COL27A1: variants seen among roughly 807,000 people sequenced by gnomAD.
The protein encoded by COL27A1 is collagen alpha-1(XXVII) chain.
COL27A1 carries 106 observed loss-of-function variants against 251.3 expected under a neutral mutation model. The observed-to-expected ratio is 0.42, with a 90% confidence interval of 0.36 to 0.50. COL27A1 has a LOEUF of 0.50. Ranked by LOEUF, COL27A1 falls within the 20% of genes least tolerant of loss-of-function variation. COL27A1 has a pLI of 0.00. For missense variants in COL27A1, 2,325 were observed against 2,522.8 expected (o/e 0.92, Z 1.68); for synonymous variants, 1,000 against 986.3 (o/e 1.01, Z -0.26).
chr9:114,183,788 G>A (rs556985604), intron 5 of COL27A1, among the ~76,000 whole-genome samples: 9 of 152,252 alleles, frequency 5.9e-5, no homozygotes, highest in Non-Finnish European at 1.5e-5. Context: ...GAGCCAGGGG[G>A]AGGCTGGCGC....
chr9:114,196,103 TCCCCAG>T, intron 7 of COL27A1, 91 bp downstream of exon 7: 1 of 1,125,700 alleles, frequency 8.9e-7, no homozygotes. Context: ...CACCTGCCTC[TCCCCAG>T]CCCCAGCCCA....
At chr9:114,245,151 T>TTG (rs201392086) in intron 23 of COL27A1, among the ~76,000 whole-genome samples, 809 of 32,846 alleles carry the variant, frequency 0.025, 42 homozygotes, top group African/African-American at 0.067. Flanking sequence ...CATTCTTGTT[T>TTG]TTTTTTTTTT....
chr9:114,243,820 C>T (rs1186049623), intron 23 of COL27A1, among the ~76,000 whole-genome samples: 1 of 151,484 alleles, frequency 6.6e-6, no homozygotes, highest in Non-Finnish European at 1.5e-5. Flanking sequence ...GGGAAGATGC[C>T]TGAATGTGGG....
chr9:114,160,288 G>A (rs1454763197), intron 1 of COL27A1, among the ~76,000 whole-genome samples: 3 of 151,882 alleles, frequency 2.0e-5, no homozygotes, highest in African/African-American at 7.3e-5. Flanking sequence ...CCAGGTAGCT[G>A]GGACTACAGG....
chr9:114,293,431 A>G (rs1828048585), intron 49 of COL27A1, among the ~76,000 whole-genome samples: 1 of 152,162 alleles, frequency 6.6e-6, no homozygotes, highest in Non-Finnish European at 1.5e-5. Context: ...AGAAAAGAAG[A>G]CAGGTCTCAA....
intron 27 of COL27A1, among the ~76,000 whole-genome samples, chr9:114,254,122 G>A (rs547970777): frequency 6.6e-6 from 1 of 152,066 alleles, no homozygotes; most frequent in Non-Finnish European, 1.5e-5. Context: ...GTCTGGTATG[G>A]GGGGGCAGGG....
chr9:114,211,610 T>C (rs548157336), intron 12 of COL27A1, among the ~76,000 whole-genome samples: 1 of 152,280 alleles, frequency 6.6e-6, no homozygotes, highest in East Asian at 1.9e-4. Context: ...GTGCAGAACA[T>C]GGAGAAAGAG....
intron 7 of COL27A1, among the ~76,000 whole-genome samples, chr9:114,200,333 G>A (rs1829477572): frequency 6.6e-6 from 1 of 152,156 alleles, no homozygotes; most frequent in African/African-American, 2.4e-5. Context: ...TCCTCTGGCT[G>A]GGTGCATCTA....
chr9:114,205,970 G>A (rs1029441095), intron 9 of COL27A1, among the ~76,000 whole-genome samples, 158 bp downstream of exon 9: 1 of 152,178 alleles, frequency 6.6e-6, no homozygotes, highest in Non-Finnish European at 1.5e-5. Context: ...GACCAAGGAA[G>A]CCTGTCTTTG....
chr9:114,156,041 C>G, intron 1 of COL27A1, 29 bp downstream of exon 1: 1 of 1,296,764 alleles, frequency 7.7e-7, no homozygotes, highest in African/African-American at 1.5e-5. Flanking sequence ...ACGCCCCCTC[C>G]CTAGCTTCCT....
At chr9:114,294,109 G>A (rs755619318) in intron 49 of COL27A1, among the ~76,000 whole-genome samples, 13 of 151,082 alleles carry the variant, frequency 8.6e-5, no homozygotes, top group South Asian at 4.2e-4. Context: ...TTAGCCAGGC[G>A]TGGTGGCGCA....
chr9:114,176,001 C>T (rs1047954072), intron 3 of COL27A1, among the ~76,000 whole-genome samples: 4 of 152,160 alleles, frequency 2.6e-5, no homozygotes, highest in African/African-American at 9.7e-5. Flanking sequence ...TTACTCAAGG[C>T]CATATACCTA....
intron 50 of COL27A1, 46 bp from the exon 51 acceptor site, chr9:114,300,579 C>A: frequency 6.7e-7 from 1 of 1,492,730 alleles, no homozygotes; most frequent in Non-Finnish European, 9.0e-7. Context: ...GGGCCCTTTA[C>A]CCAGTGGCTG....
In COL27A1 at chr9:114,290,723, C is replaced by A. The variant is rs1315615209; in HGVS notation, c.4369-87C>A. ...GTGTGACCCCTTCCTCCAGCTTCAC[C>A]CAGGGTTTGCCCAGGCGTTGAGCCA... On this transcript the variant is annotated intron_variant, in intron 47 of 60. Coordinates refer to ENST00000356083, the MANE Select transcript of COL27A1 (RefSeq NM_032888.4). The surrounding 1 kb of genome is among the most constrained non-coding windows in gnomAD (Gnocchi z 4.6). 1.0e-6 allele frequency: 1 copy of A among 1,004,066 alleles called. No individual in the cohort carries two copies. The highest frequency in any genetic ancestry group is 1.5e-6 in the Non-Finnish European group (1 of 683,646). 62.2% of individuals were successfully genotyped at this position (1,004,066 alleles called of 1,614,324 possible).
At chr9:114,219,087 C>A (rs555536648) in intron 12 of COL27A1, among the ~76,000 whole-genome samples, 1 of 152,104 alleles carries the variant, frequency 6.6e-6, no homozygotes, top group Admixed American at 6.5e-5. Flanking sequence ...GTTCTGTCCC[C>A]GGCCCCCGAA....
chr9:114,237,853 C>T, intron 19 of COL27A1, 138 bp downstream of exon 19: 3 of 684,130 alleles, frequency 4.4e-6, no homozygotes, highest in Non-Finnish European at 5.3e-6. Flanking sequence ...AGGAGAAACT[C>T]CTAGATCAGC....
At chr9:114,202,654 C>T (rs559097044) in intron 7 of COL27A1, among the ~76,000 whole-genome samples, 10 of 152,154 alleles carry the variant, frequency 6.6e-5, no homozygotes, top group Non-Finnish European at 1.0e-4. Context: ...CACCCTCTCA[C>T]CCACTCTATT....
intron 12 of COL27A1, among the ~76,000 whole-genome samples, chr9:114,213,522 T>G (rs1830501243): frequency 6.6e-6 from 1 of 152,194 alleles, no homozygotes; most frequent in Non-Finnish European, 1.5e-5. Context: ...TGCCAGGCAC[T>G]AAGGATAACA....
At chr9:114,249,525 G>A (rs772010861) in intron 24 of COL27A1, among the ~76,000 whole-genome samples, 3 of 152,282 alleles carry the variant, frequency 2.0e-5, no homozygotes, top group South Asian at 2.1e-4. Context: ...CAACCAGAGC[G>A]GACATCCCAG....
Sources: gnomAD v4.1 joint callset for allele counts (sites outside exome capture counted in the v4.1 genomes callset) on GRCh38, gnomAD v4.1.1 for gene constraint, Gnocchi (gnomAD v3.1) non-coding constraint, MANE v1.5 for transcripts, NCBI Gene and HGNC (gene_info 2026-07-23, HGNC 2026-07-21) for gene names.